Variants in LPIN3 observed in about 807,000 individuals in gnomAD.
LPIN3 encodes lipin 3.
LPIN3 carries 82 observed loss-of-function variants against 94.7 expected under a neutral mutation model. That is an observed-to-expected ratio of 0.87 (90% CI 0.72 to 1.04). The LOEUF (loss-of-function observed/expected upper bound fraction) is 1.04, where lower values mean the gene tolerates loss of function less well. LPIN3 is among the 50% of genes least tolerant of loss of function. The probability of loss-of-function intolerance (pLI) is 0.00; values close to 1 mark genes in which losing one functional copy is unlikely to be tolerated. For missense variants in LPIN3, 996 were observed against 1,090.5 expected (o/e 0.91, Z 1.22); for synonymous variants, 418 against 443.3 (o/e 0.94, Z 0.72).
At chr20:41,356,932 A>C in intron 14 of LPIN3, 108 bp from the exon 15 acceptor site, 2 of 1,273,104 alleles carry the variant, frequency 1.6e-6, no homozygotes, top group Non-Finnish European at 1.1e-6. Context: ...GCTGGGAGGA[A>C]GAGGAGAATG....
intron 10 of LPIN3, 42 bp from the exon 11 acceptor site, chr20:41,352,756 C>G (rs969937386): frequency 6.2e-7 from 1 of 1,612,356 alleles, no homozygotes; most frequent in African/African-American, 1.3e-5. Context: ...TCTTCACAAC[C>G]CTGCAGCTGC....
At position 41,352,216 on chromosome 20, in the gene LPIN3, C is replaced by T. The variant is rs1242088062; in HGVS notation, c.1359C>T (p.Ser453=). 1 of 1,614,130 alleles carries T rather than the reference C, an allele frequency of 6.2e-7. No homozygotes were observed. The highest frequency in any genetic ancestry group is 2.2e-5 in the East Asian group (1 of 44,880). ...CGGLADSRDI[S]LEKFNQHSVS... Reference sequence around the variant, plus strand: ...GACTGGCTGACAGCCGGGACATCTCCCTAGGTATGTTCGACCATGGCCAAG... The same window carrying T: ...GACTGGCTGACAGCCGGGACATCTCTCTAGGTATGTTCGACCATGGCCAAG... Residue 453 remains serine, a synonymous_variant, in exon 9 of 20, where the codon TCC becomes TCT. Coordinates refer to ENST00000373257, the MANE Select transcript of LPIN3 (RefSeq NM_022896.3).
intron 4 of LPIN3, 50 bp from the exon 5 acceptor site, chr20:41,349,042 C>T (rs1294357997): frequency 6.2e-7 from 1 of 1,607,822 alleles, no homozygotes; most frequent in Non-Finnish European, 8.5e-7. Flanking sequence ...TCATGCCTGC[C>T]TGGGGCATCC....
At position 41,357,113 on chromosome 20, in the gene LPIN3, G is replaced by A. The variant is rs775885873; in HGVS notation, c.1877G>A (p.Arg626His). The change falls in exon 15 of 20, where the codon CGC (arginine) becomes CAC (histidine). Residue 626 changes from arginine (R) to histidine (H), a missense_variant. By Grantham distance (29) the Arg-to-His change is conservative. Transcript: ENST00000373257. ...SVTTQYQGTC[R>H]CKATIYLWKW... ...ACCACTCAGTACCAGGGCACCTGCC[G>A]CTGCAAGGCCACCATCTACCTGTGG... 3.2e-5 allele frequency: 51 copies of A among 1,614,008 alleles called. No individual in the cohort carries two copies. Among genetic ancestry groups the A allele is most frequent in the Non-Finnish European group, 3.8e-5 (45 of 1,180,006 alleles).
At chr20:41,358,409 C>T in intron 18 of LPIN3, 30 bp from the exon 19 acceptor site, 2 of 1,613,576 alleles carry the variant, frequency 1.2e-6, no homozygotes, top group South Asian at 1.1e-5. Context: ...TGCAGGCCTC[C>T]ATTCCATGGG....
At chr20:41,346,175 T>C (rs933184797) in intron 2 of LPIN3, among the ~76,000 whole-genome samples, 180 bp downstream of exon 2, 1 of 152,190 alleles carries the variant, frequency 6.6e-6, no homozygotes, top group African/African-American at 2.4e-5. Flanking sequence ...GGTTTTGGTC[T>C]GGGAGGGTTC....
Position 41,348,861 on chromosome 20 carries a change from G to C in LPIN3, c.531G>C (p.Pro177=), listed in dbSNP as rs781237884. ...GCGCTGAGAGTGAGCTATCCCTGCC[G>C]GAAAAGCTGAGGCCAGAGCCCCCAG... ...EAGAESELSL[P]EKLRPEPPGV... Residue 177 remains proline, a synonymous_variant, in exon 4 of 20, where the codon CCG becomes CCC. Coordinates refer to ENST00000373257, the MANE Select transcript of LPIN3 (RefSeq NM_022896.3). 1 of 1,606,442 alleles carries C rather than the reference G, an allele frequency of 6.2e-7. No individual in the cohort carries two copies. The highest frequency in any genetic ancestry group is 8.5e-7 in the Non-Finnish European group (1 of 1,176,384).
chr20:41,358,147 G>A, intron 17 of LPIN3, 90 bp from the exon 18 acceptor site: 1 of 1,583,490 alleles, frequency 6.3e-7, no homozygotes, highest in Non-Finnish European at 8.6e-7. Flanking sequence ...AGGAGGGTGG[G>A]GTCAGACCCC....
intron 4 of LPIN3, 85 bp downstream of exon 4, chr20:41,348,972 G>A (rs2045895802): frequency 6.3e-7 from 1 of 1,576,432 alleles, no homozygotes; most frequent in African/African-American, 1.4e-5. Flanking sequence ...TTTGGGCAAG[G>A]GCCTTGACCT....
chr20:41,356,952 A>G lies in LPIN3; in HGVS notation c.1804-88A>G, dbSNP rs1028387501. On this transcript the variant is annotated intron_variant, in intron 14 of 19. Transcript: ENST00000373257. ...GAGGAAGAGGAGAATGAGAGGCCCG[A>G]GGGGATCGGAGGCCACGGCGTAAGG... 3.4e-6 allele frequency: 5 copies of G among 1,485,384 alleles called. No homozygotes were observed. In the African/African-American group the frequency reaches 4.2e-5, roughly 12 times the overall value. 92.0% of individuals were successfully genotyped at this position (1,485,384 alleles called of 1,614,324 possible). A position where few individuals can be genotyped will look rare whatever the true frequency, so the allele number is the denominator to read the frequency against.
At chr20:41,350,027 A>G in intron 6 of LPIN3, 28 bp from the exon 7 acceptor site, 1 of 1,570,968 alleles carries the variant, frequency 6.4e-7, no homozygotes, top group Non-Finnish European at 8.7e-7. Flanking sequence ...ACCCTGGCCC[A>G]CATCTTCCTC....
At chr20:41,347,018 C>T (rs1015239044) in intron 2 of LPIN3, among the ~76,000 whole-genome samples, 8 of 152,152 alleles carry the variant, frequency 5.3e-5, no homozygotes, top group Admixed American at 3.9e-4. Flanking sequence ...TTACTCAAAC[C>T]CCCAAAGCCT....
rs115945559 is a variant in LPIN3, at chr20:41,349,501, C to T, written c.639-273C>T. Among the ~76,000 whole-genome samples the T allele has an allele frequency of 4.1e-3, 622 of 152,280 alleles. 8 individuals are homozygous for T. Among genetic ancestry groups the T allele is most frequent in the African/African-American group, 0.014 (602 of 41,544 alleles). ...ACCCTATGCCCATTAGGCAATCCAG[C>T]TACAACTTTGCCATCTTCTTTTTTT... On this transcript the variant is annotated intron_variant, in intron 5 of 19. Transcript: ENST00000373257.
chr20:41,346,346 C>T (rs956144588), intron 2 of LPIN3, among the ~76,000 whole-genome samples: 11 of 152,316 alleles, frequency 7.2e-5, no homozygotes, highest in Middle Eastern at 3.4e-3. Flanking sequence ...ATGATTTTAT[C>T]GGCCTAATGA....
rs775921131 is a variant in LPIN3 at position 41,350,256 on chromosome 20, C to T, written c.961C>T (p.Leu321Phe). The stretch of plus-strand genomic sequence containing the variant: ...GGATCCCACTCTAGTGGGTCCCCCT[C>T]TCCACACCCCAGAGACAGAGGAAAG... The part of the protein sequence containing the change: ...TEDPTLVGPP[L>F]HTPETEESKT... The change falls in exon 7 of 20, where the codon CTC becomes TTC. Residue 321 changes from leucine to phenylalanine, a missense_variant. Coordinates refer to ENST00000373257, the MANE Select transcript of LPIN3 (RefSeq NM_022896.3). The T allele has an allele frequency of 1.1e-5, 17 of 1,613,878 alleles. No individual in the cohort carries two copies. Among genetic ancestry groups the T allele is most frequent in the Non-Finnish European group, 1.4e-5 (17 of 1,180,016 alleles).
In LPIN3 at chr20:41,349,112, C is replaced by G; in HGVS notation, c.578C>G (p.Ser193Cys). ...EPPGVQLEEK[S>C]SLQPKDIYPY... ...AGCAGTGTCCAGTTGGAAGAGAAGT[C>G]TTCACTGCAGCCCAAAGACATCTAC... The change falls in exon 5 of 20, where the codon TCT (serine) becomes TGT (cysteine). Residue 193 changes from serine (S) to cysteine (C), a missense_variant. Physicochemically the swap from Ser to Cys is moderately radical, Grantham distance 112. Coordinates refer to ENST00000373257, the MANE Select transcript of LPIN3 (RefSeq NM_022896.3). 1 of 1,614,206 alleles carries G rather than the reference C, an allele frequency of 6.2e-7. No individual in the cohort carries two copies. Among genetic ancestry groups the G allele is most frequent in the South Asian group, 1.1e-5 (1 of 91,068 alleles).
At position 41,348,587 on chromosome 20, in the gene LPIN3, C is replaced by T. The variant is rs922372946; in HGVS notation, c.289-32C>T. The T allele has an allele frequency of 3.8e-6, 6 of 1,573,738 alleles. No individual in the cohort carries two copies. In the African/African-American group the frequency reaches 5.4e-5, roughly 14 times the overall value. On this transcript the variant is annotated intron_variant, in intron 3 of 19. Coordinates refer to ENST00000373257, the MANE Select transcript of LPIN3 (RefSeq NM_022896.3). ...GTGAGCGCAGCCCCACTAGGGTCAGCCCCCGACCTCAGTTCTTGGTCTGTT... is the reference window on the plus strand; with the variant it reads ...GTGAGCGCAGCCCCACTAGGGTCAGTCCCCGACCTCAGTTCTTGGTCTGTT...
chr20:41,349,874 G>C lies in LPIN3; in HGVS notation c.739G>C (p.Ala247Pro), dbSNP rs1402218873. ...AAGAGCCGAGTCCCACATGCAGTGGGCCTGGGGGAGGCTGCCTAAGGTGAG... is the reference window on the plus strand; with the variant it reads ...AAGAGCCGAGTCCCACATGCAGTGGCCCTGGGGGAGGCTGCCTAAGGTGAG... ...PLRAESHMQW[A>P]WGRLPKVARA... is the part of the protein sequence containing the mutation. The change falls in exon 6 of 20, where the codon GCC becomes CCC. Residue 247 changes from alanine (A) to proline (P), a missense_variant. Transcript: ENST00000373257. 1.2e-6 allele frequency: 2 copies of C among 1,613,122 alleles called. No homozygotes were observed. The highest frequency in any genetic ancestry group is 2.2e-5 in the East Asian group (1 of 44,880).
At chr20:41,346,533 G>A (rs149312214) in intron 2 of LPIN3, among the ~76,000 whole-genome samples, 68 of 152,334 alleles carry the variant, frequency 4.5e-4, no homozygotes, top group African/African-American at 1.5e-3. Context: ...CTGAGGTCAG[G>A]AGTTTGAGAC....
Sources: gnomAD v4.1 joint callset for allele counts (sites outside exome capture counted in the v4.1 genomes callset) on GRCh38, gnomAD v4.1.1 for gene constraint, MANE v1.5 for transcripts, NCBI Gene and HGNC (gene_info 2026-07-23, HGNC 2026-07-21) for gene names.